The following DDX3X variants were observed in gnomAD, a reference collection of about 807,000 sequenced individuals.
DDX3X encodes the protein DEAD-box helicase 3 X-linked, also known as ATP-dependent RNA helicase DDX3X.
In DDX3X, 4 loss-of-function variants were observed where a neutral mutation model predicts 52.7. That is an observed-to-expected ratio of 0.08 (90% CI 0.04 to 0.17). The LOEUF (loss-of-function observed/expected upper bound fraction) is 0.17. Among genes scored for constraint, DDX3X ranks in the 10% least tolerant of loss-of-function variants. The pLI, the probability that DDX3X is intolerant of heterozygous loss-of-function variation, is 1.00. For synonymous variants in DDX3X, 192 were observed against 178.1 expected, an observed-to-expected ratio of 1.08 and a Z score of -0.62; for missense variants, 222 against 548.6, an observed-to-expected ratio of 0.40 and a Z score of 5.95.
intron 5 of DDX3X, chrX:41,357,706 G>T: frequency 3.6e-6 from 1 of 275,495 alleles, no homozygotes; most frequent in African/African-American, 2.7e-5. Context: ...AAAGTGCTGG[G>T]ATTACAGGCG....
chrX:41,340,753 G>GT, intron 3 of DDX3X: 1 of 296,407 alleles, frequency 3.4e-6, no homozygotes, highest in Non-Finnish European at 5.9e-6. Context: ...ATTAAACCAA[G>GT]TAATCTGACA....
At position 41,338,679 on chromosome X, in the gene DDX3X, C is replaced by A. The variant is rs183676618; in HGVS notation, c.104-357C>A. The A allele has an allele frequency of 4.5e-3, 506 of 112,295 alleles. 5 individuals carry two copies. Among genetic ancestry groups the A allele is most frequent in the African/African-American group, 0.015 (472 of 30,876 alleles). 9.3% of individuals were successfully genotyped at this position (112,295 alleles called of 1,213,427 possible). On this transcript the variant is annotated intron_variant, in intron 2 of 16. Coordinates refer to ENST00000644876, the MANE Select transcript of DDX3X (RefSeq NM_001356.5). ...TTACATGAGTAATCTTAAATTGTTA[C>A]AGTAATACTTAATGCTTTTGTTGAC... is the stretch of plus-strand genomic sequence containing the variant.
In DDX3X at chrX:41,347,429, TAGC is replaced by T. The variant is rs748792475; in HGVS notation, c.1893_1895del (p.Ser631del). On this transcript the variant is annotated inframe_deletion, in exon 16 of 17. Transcript: ENST00000644876. ...GCCGCAGTGGCGGAGGTGGCCACGG[TAGC>T]AGCAGAGGATTTGGTGGAGGTAGTG... The T allele has an allele frequency of 2.5e-6, 3 of 1,211,197 alleles. No homozygotes were observed. In the South Asian group the frequency reaches 5.3e-5, roughly 21 times the overall value.
In DDX3X at chrX:41,334,162, A is replaced by G; in HGVS notation, c.-91A>G. 1 of 984,102 alleles carries G rather than the reference A, an allele frequency of 1.0e-6. No individual in the cohort carries two copies. The highest frequency in any genetic ancestry group is 1.4e-6 in the Non-Finnish European group (1 of 705,220). 81.1% of individuals were successfully genotyped at this position (984,102 alleles called of 1,213,427 possible). A position where few individuals can be genotyped will look rare whatever the true frequency, so the allele number is the denominator to read the frequency against. ...GATCCGTGGCCGCGCGGTGCGCTCC[A>G]GAGCCGCAGTTCTCCCGTGAGAGGG... On this transcript the variant is annotated 5_prime_UTR_variant, in exon 1 of 17. Transcript: ENST00000644876.
intron 2 of DDX3X, 32 bp downstream of exon 2, chrX:41,337,497 A>G (rs1232201429): frequency 7.2e-6 from 8 of 1,117,164 alleles, no homozygotes; most frequent in Non-Finnish European, 9.8e-6. Flanking sequence ...TTTATTGAAT[A>G]TTAGAGCTTA....
At chrX:41,334,475 C>G (rs917484925) in intron 1 of DDX3X, 178 bp downstream of exon 1, 211 of 1,098,823 alleles carry the variant, frequency 1.9e-4, no homozygotes, top group Non-Finnish European at 2.4e-4. Context: ...GGGCTGTCGC[C>G]CGGGCCCGGT....
At chrX:41,351,127 G>A (rs868737438), downstream of DDX3X, 2 of 111,575 alleles carry the variant, frequency 1.8e-5, no homozygotes, top group Non-Finnish European at 3.8e-5. Flanking sequence ...TGCTAGATTG[G>A]ATAGTCAATG....
At position 41,341,526 on chromosome X, in the gene DDX3X, A is replaced by G. The variant is rs2063850443; in HGVS notation, c.194A>G (p.Asp65Gly). The change falls in exon 4 of 17, where the codon GAT becomes GGT. Residue 65 changes from aspartate (D) to glycine (G), a missense_variant. This residue lies in a region of DDX3X where 93 missense variants were observed against 123.7 expected (regional missense o/e 0.75). Coordinates refer to ENST00000644876, the MANE Select transcript of DDX3X (RefSeq NM_001356.5). ...KDSSGWSSSKDKDAYSSFGSR... is the reference protein window; with the variant it reads ...KDSSGWSSSKGKDAYSSFGSR... Reference sequence around the variant, plus strand: ...AGTTCAGGGTGGAGTTCTAGCAAAGATAAGGATGCGTATAGCAGTTTTGGA... The same window carrying G: ...AGTTCAGGGTGGAGTTCTAGCAAAGGTAAGGATGCGTATAGCAGTTTTGGA... 8.3e-7 allele frequency: 1 copy of G among 1,207,645 alleles called. No homozygotes were observed. The highest frequency in any genetic ancestry group is 1.1e-6 in the Non-Finnish European group (1 of 891,616).
At chrX:41,361,116 T>C (rs2064028144) in intron 5 of DDX3X, among the ~76,000 whole-genome samples, 1 of 107,989 alleles carries the variant, frequency 9.3e-6, no homozygotes, top group South Asian at 4.0e-4. Flanking sequence ...TTTTTTGTAC[T>C]GCCCCCTGCT....
chrX:41,334,650 G>A (rs1320721476), intron 1 of DDX3X: 4 of 1,060,305 alleles, frequency 3.8e-6, no homozygotes, highest in Non-Finnish European at 4.9e-6. Flanking sequence ...GCGCAGCGCG[G>A]CGGGACGCGA....
chrX:41,359,596 C>CAA lies in DDX3X; in HGVS notation c.655-4660_655-4659dup, dbSNP rs397895766. 5.5e-3 allele frequency among the ~76,000 whole-genome samples: 290 copies of CAA among 52,448 alleles called. 4 individuals carry two copies. Among genetic ancestry groups the CAA allele is most frequent in the African/African-American group, 0.015 (211 of 13,815 alleles). 45.5% of individuals were successfully genotyped at this position (52,448 alleles called of 115,157 possible). A position where few individuals can be genotyped will look rare whatever the true frequency, so the allele number is the denominator to read the frequency against. Reference sequence around the variant, plus strand: ...TGGGCAACAGAGTAAGATTCCATCTCAAAAAAAAAAAAAAAAAAAGTTGCC... The same window carrying CAA: ...TGGGCAACAGAGTAAGATTCCATCTCAAAAAAAAAAAAAAAAAAAAAGTTGCC... On this transcript the variant is annotated intron_variant, in intron 5 of 5. Coordinates refer to the DDX3X transcript ENST00000616050.
chrX:41,350,913 AAGTT>A (rs1225622164), downstream of DDX3X: 1 of 112,092 alleles, frequency 8.9e-6, no homozygotes, highest in Admixed American at 9.5e-5. Flanking sequence ...TTGTTTCAGT[AAGTT>A]GAAGGTTTGC....
At chrX:41,345,913 C>G (rs771121640) in intron 12 of DDX3X, 5 of 262,291 alleles carry the variant, frequency 1.9e-5, no homozygotes, top group Non-Finnish European at 3.3e-5. Context: ...TGGTAATAAC[C>G]CATTTGGGCT....
intron 12 of DDX3X, 148 bp from the exon 13 acceptor site, chrX:41,346,080 TC>T: frequency 4.2e-6 from 2 of 479,554 alleles, no homozygotes; most frequent in Non-Finnish European, 6.9e-6. Flanking sequence ...TTATTACTTT[TC>T]CTCCTCAATT....
downstream of DDX3X, among the ~76,000 whole-genome samples, chrX:41,353,628 G>GGGCGTGGT (rs1190734923): frequency 9.3e-6 from 1 of 107,917 alleles, no homozygotes; most frequent in Non-Finnish European, 1.9e-5. Context: ...AAAATTAGCT[G>GGGCGTGGT]GGCGTGGTGG....
downstream of DDX3X, chrX:41,350,607 G>A (rs1238834991): frequency 9.0e-6 from 1 of 111,319 alleles, no homozygotes; most frequent in Non-Finnish European, 1.9e-5. Flanking sequence ...GTGATGGTAA[G>A]TATATACTTA....
chrX:41,350,955 A>G (rs945089038), downstream of DDX3X: 1 of 111,976 alleles, frequency 8.9e-6, no homozygotes, highest in East Asian at 2.8e-4. Flanking sequence ...TTTGCATTGT[A>G]AGGAAGTATG....
intron 1 of DDX3X, 144 bp from the exon 2 acceptor site, chrX:41,337,264 C>T: frequency 2.0e-6 from 1 of 497,802 alleles, no homozygotes; most frequent in Non-Finnish European, 3.5e-6. Flanking sequence ...TAGTCACATT[C>T]TCATTAAGGG....
chrX:41,334,219 G>C lies in DDX3X; in HGVS notation c.-34G>C. On this transcript the variant is annotated 5_prime_UTR_variant, in exon 1 of 17. Transcript: ENST00000644876. ...CGGTGGAACAAACACTCGCTTAGCA[G>C]CGGAAGACTCCGAGTTCTCGGTACT... is the stretch of plus-strand genomic sequence containing the variant. 4 of 1,196,550 alleles carry C rather than the reference G, an allele frequency of 3.3e-6. No individual in the cohort carries two copies. The highest frequency in any genetic ancestry group is 4.5e-6 in the Non-Finnish European group (4 of 883,706).
Sources: gnomAD v4.1 joint callset for allele counts (sites outside exome capture counted in the v4.1 genomes callset) on GRCh38, gnomAD v4.1.1 for gene constraint, gnomAD v4.1.1 regional missense constraint, MANE v1.5 for transcripts, NCBI Gene and HGNC (gene_info 2026-07-23, HGNC 2026-07-21) for gene names.